Variants in DCAF8L2 observed in about 807,000 individuals in gnomAD.
The protein encoded by DCAF8L2 is DDB1 and CUL4 associated factor 8 like 2, also known as DDB1- and CUL4-associated factor 8-like protein 2.
For missense variants in DCAF8L2, 430 were observed against 490.7 expected, an observed-to-expected ratio of 0.88 and a Z score of 1.17; for synonymous variants, 200 against 190.9, an observed-to-expected ratio of 1.05 and a Z score of -0.39.
intron 4 of DCAF8L2, among the ~76,000 whole-genome samples, chrX:27,738,994 C>T (rs1022959853): frequency 9.0e-6 from 1 of 110,986 alleles, no homozygotes; most frequent in Non-Finnish European, 1.9e-5. Context: ...CCTGTTTTCT[C>T]TCCCCTATTT....
chrX:27,710,434 C>T (rs1284022918), intron 3 of DCAF8L2, among the ~76,000 whole-genome samples: 1 of 111,350 alleles, frequency 9.0e-6, no homozygotes, highest in Non-Finnish European at 1.9e-5. Flanking sequence ...GAGTATTTTT[C>T]TTAATTTATT....
intron 4 of DCAF8L2, among the ~76,000 whole-genome samples, chrX:27,718,766 A>C (rs1315710025): frequency 9.0e-6 from 1 of 111,492 alleles, no homozygotes; most frequent in East Asian, 2.8e-4. Context: ...CTTGGGTCTC[A>C]AGCCTGCTGG....
At chrX:27,677,449 T>C (rs991310251) in intron 2 of DCAF8L2, among the ~76,000 whole-genome samples, 1 of 111,903 alleles carries the variant, frequency 8.9e-6, no homozygotes, top group Non-Finnish European at 1.9e-5. Flanking sequence ...TTTCACCTGA[T>C]CTTAGAAGTA....
intron 4 of DCAF8L2, among the ~76,000 whole-genome samples, chrX:27,743,004 T>C (rs1250893828): frequency 8.9e-6 from 1 of 112,527 alleles, no homozygotes; most frequent in Non-Finnish European, 1.9e-5. Flanking sequence ...TTTTGGCTTA[T>C]AGCTATGGAT....
At chrX:27,704,315 T>C (rs1248962118) in intron 3 of DCAF8L2, among the ~76,000 whole-genome samples, 2 of 107,564 alleles carry the variant, frequency 1.9e-5, no homozygotes, top group African/African-American at 6.9e-5. Context: ...TGTATATATA[T>C]ACACAATGGA....
chrX:27,747,091 G>A lies in DCAF8L2; in HGVS notation c.196G>A (p.Ala66Thr). The change falls in exon 5 of 5, where the codon GCC becomes ACC. Residue 66 changes from alanine (A) to threonine (T), a missense_variant. Ala to Thr is a moderately conservative substitution (Grantham distance 58). Coordinates refer to ENST00000451261, the MANE Select transcript of DCAF8L2 (RefSeq NM_001353450.2). ...CAGGGATGGTGGATTCCCCAACGAT[G>A]CCAGCACAGAAAATCGAAGCTCAGA... ...DSRDGGFPND[A>T]STENRSSDQE... is the part of the protein sequence containing the mutation. The A allele has an allele frequency of 8.6e-7, 1 of 1,168,250 alleles. No homozygotes were observed. The highest frequency in any genetic ancestry group is 1.1e-6 in the Non-Finnish European group (1 of 873,142).
At chrX:27,662,196 G>T (rs972987697) in intron 2 of DCAF8L2, among the ~76,000 whole-genome samples, 1 of 111,091 alleles carries the variant, frequency 9.0e-6, no homozygotes, top group African/African-American at 3.3e-5. Flanking sequence ...TATTATGTCT[G>T]TAAAGATTTG....
the DCAF8L2 span, among the ~76,000 whole-genome samples, chrX:27,535,193 A>G: frequency 8.9e-6 from 1 of 111,918 alleles, no homozygotes; most frequent in Admixed American, 9.6e-5. Context: ...TTGGCAAATC[A>G]TAATTATATG....
chrX:27,552,251 T>C, the DCAF8L2 span, among the ~76,000 whole-genome samples: 1 of 111,983 alleles, frequency 8.9e-6, no homozygotes, highest in South Asian at 3.7e-4. Flanking sequence ...GTAGGTTGTC[T>C]CTTTATTCTG....
At chrX:27,476,852 G>T in the DCAF8L2 span, among the ~76,000 whole-genome samples, 1 of 111,395 alleles carries the variant, frequency 9.0e-6, no homozygotes, top group Non-Finnish European at 1.9e-5. Flanking sequence ...TTTTAGATTT[G>T]TCTCTGTTTA....
chrX:27,563,258 A>ATCTT, the DCAF8L2 span, among the ~76,000 whole-genome samples: 1 of 111,360 alleles, frequency 9.0e-6, no homozygotes, highest in Non-Finnish European at 1.9e-5. Flanking sequence ...CCACCTATCC[A>ATCTT]TCTTTCTTTC....
chrX:27,476,717 G>A, the DCAF8L2 span, among the ~76,000 whole-genome samples: 5 of 111,764 alleles, frequency 4.5e-5, no homozygotes, highest in South Asian at 1.9e-3. Context: ...AAAGCTTAAG[G>A]TAACTCTCAA....
At position 27,647,852 on chromosome X, in the gene DCAF8L2, T is replaced by C. The variant is rs140338030; in HGVS notation, c.-220+15852T>C. Among the ~76,000 whole-genome samples, 431 of 112,069 alleles carry C rather than the reference T, an allele frequency of 3.8e-3. 3 individuals are homozygous for C. The highest frequency in any genetic ancestry group is 6.7e-3 in the Admixed American group (71 of 10,522). On this transcript the variant is annotated intron_variant, in intron 2 of 4. Coordinates refer to ENST00000451261, the MANE Select transcript of DCAF8L2 (RefSeq NM_001353450.2). ...TTGGGTTCAGGGAAGAATTTTTTTCTAAAGTTAACAATGAGATCTCATAAC... is the reference window on the plus strand; with the variant it reads ...TTGGGTTCAGGGAAGAATTTTTTTCCAAAGTTAACAATGAGATCTCATAAC...
intron 2 of DCAF8L2, among the ~76,000 whole-genome samples, chrX:27,672,983 G>A (rs1287808156): frequency 9.0e-6 from 1 of 110,524 alleles, no homozygotes; most frequent in African/African-American, 3.3e-5. Flanking sequence ...ATGCACAGTT[G>A]AGGCCTATCA....
chrX:27,649,109 C>T (rs1249461123), intron 2 of DCAF8L2, among the ~76,000 whole-genome samples: 1 of 112,230 alleles, frequency 8.9e-6, no homozygotes, highest in African/African-American at 3.2e-5. Flanking sequence ...CAGCTGCATC[C>T]ATGTTGCTGC....
At chrX:27,738,438 T>C (rs1320705718) in intron 4 of DCAF8L2, among the ~76,000 whole-genome samples, 21 of 111,332 alleles carry the variant, frequency 1.9e-4, no homozygotes, top group Non-Finnish European at 3.8e-5. Context: ...GCCATTTCCA[T>C]CTTCTTCCTC....
At chrX:27,651,767 C>T (rs186317981) in intron 2 of DCAF8L2, among the ~76,000 whole-genome samples, 1,779 of 110,435 alleles carry the variant, frequency 0.016, 30 homozygotes, top group African/African-American at 0.055. Context: ...GCCTCCGCCT[C>T]CCAAAATGCT....
chrX:27,697,966 G>T (rs1930990472), intron 3 of DCAF8L2, among the ~76,000 whole-genome samples: 1 of 110,291 alleles, frequency 9.1e-6, no homozygotes, highest in African/African-American at 3.3e-5. Context: ...TTGGCATTCA[G>T]GAGCAAAAGA....
At chrX:27,570,153 T>G in the DCAF8L2 span, among the ~76,000 whole-genome samples, 1 of 111,050 alleles carries the variant, frequency 9.0e-6, no homozygotes, top group East Asian at 2.9e-4. Context: ...AGAAACTTGG[T>G]AGGGGAAGGG....
Sources: allele counts gnomAD v4.1 joint callset (sites outside exome capture counted in the v4.1 genomes callset), GRCh38; gene constraint gnomAD v4.1.1; transcripts MANE v1.5; gene names NCBI Gene and HGNC (gene_info 2026-07-23, HGNC 2026-07-21).